The following TPRN variants were observed in gnomAD, a reference collection of about 807,000 sequenced individuals.
TPRN encodes the protein chromosome 9 open reading frame 75.
A neutral mutation model predicts 42.6 loss-of-function variants in TPRN; 32 were observed. That is an observed-to-expected ratio of 0.75 (90% confidence interval 0.57 to 1.01). TPRN has a LOEUF of 1.01. TPRN is among the 50% of genes least tolerant of loss of function. TPRN has a pLI of 0.00. For synonymous variants in TPRN, 541 were observed against 445.6 expected (o/e 1.21, Z -2.70); for missense variants, 1,095 against 957.5 (o/e 1.14, Z -1.90).
chr9:137,192,199 G>A (rs1295468438), intron 3 of TPRN, 25 bp from the exon 4 acceptor site: 2 of 1,613,428 alleles, frequency 1.2e-6, no homozygotes, highest in African/African-American at 1.3e-5. Flanking sequence ...ACAGAATGTG[G>A]ACACATGGGC....
At position 137,199,356 on chromosome 9, in the gene TPRN, C is replaced by T; in HGVS notation, c.1356G>A (p.Gly452=). The change falls in exon 1 of 4, where the codon GGG becomes GGA. Residue 452 remains glycine, a synonymous_variant. Transcript: ENST00000409012. The part of the protein sequence containing the change: ...AKNSREYVRP[G]LPVTFIDEVD... ...CCTCATCGATGAAGGTGACAGGCAG[C>T]CCCGGCCTCACATATTCCCGGCTAT... is the stretch of plus-strand genomic sequence containing the variant. 1 of 1,612,768 alleles carries T rather than the reference C, an allele frequency of 6.2e-7. No individual in the cohort carries two copies. The highest frequency in any genetic ancestry group is 8.5e-7 in the Non-Finnish European group (1 of 1,180,006).
rs190167940 is a variant in TPRN at position 137,199,574 on chromosome 9, C to A, written c.1138G>T (p.Ala380Ser). ...ACCTCCAGGGGGCTCTTCCCGAGGGCAGGCGCACCATCCCCTCCAGGCACC... is the reference window on the plus strand; with the variant it reads ...ACCTCCAGGGGGCTCTTCCCGAGGGAAGGCGCACCATCCCCTCCAGGCACC... The part of the protein sequence containing the change: ...QPVPGGDGAP[A>S]LGKSPLEVEA... Residue 380 changes from alanine to serine, a missense_variant, in exon 1 of 4, where the codon GCC (alanine) becomes TCC (serine). Coordinates refer to ENST00000409012, the MANE Select transcript of TPRN (RefSeq NM_001128228.3). 2.2e-3 allele frequency: 3,395 copies of A among 1,556,068 alleles called. 55 individuals are homozygous for A. In the African/African-American group the frequency reaches 0.04, roughly 18 times the overall value.
At chr9:137,195,994 G>A (rs1834699237) in intron 1 of TPRN, among the ~76,000 whole-genome samples, 3 of 152,216 alleles carry the variant, frequency 2.0e-5, no homozygotes, top group Admixed American at 6.5e-5. Context: ...CCCCCACCCC[G>A]GCACACAGGC....
rs1456935642 is a variant in TPRN at position 137,199,905 on chromosome 9, A to C, written c.807T>G (p.Ser269Arg). The stretch of plus-strand genomic sequence containing the variant: ...TGGCAGGGGGTGAGGCTGGAGTGGC[A>C]CTCGGGGTCCCGGGGCTGGGGGGCG... The part of the protein sequence containing the change: ...LHPPPSPGTP[S>R]ATPASPPASA... Residue 269 changes from serine (S) to arginine (R), a missense_variant, in exon 1 of 4, where the codon AGT (serine) becomes AGG (arginine). Transcript: ENST00000409012. The C allele has an allele frequency of 6.0e-4, 643 of 1,067,988 alleles. No homozygotes were observed. Among genetic ancestry groups the C allele is most frequent in the South Asian group, 2.8e-3 (119 of 42,364 alleles). The allele number at this position is 1,067,988 out of a possible 1,614,324, so 66.2% of individuals were successfully genotyped here. A position where few individuals can be genotyped will look rare whatever the true frequency, so the allele number is the denominator to read the frequency against.
In TPRN at chr9:137,199,431, C is replaced by T. The variant is rs917279081; in HGVS notation, c.1281G>A (p.Ser427=). 14 of 1,610,878 alleles carry T rather than the reference C, an allele frequency of 8.7e-6. No individual in the cohort carries two copies. Among genetic ancestry groups the T allele is most frequent in the Non-Finnish European group, 1.1e-5 (13 of 1,179,292 alleles). ...SSPPPFLPAA[S]EEAEPAEGLR... is the part of the protein sequence containing the mutation. ...GGCCCTCAGCAGGCTCAGCTTCTTC[C>T]GAAGCAGCCGGCAGGAAGGGGGGCG... The change falls in exon 1 of 4, where the codon TCG becomes TCA. Residue 427 remains serine (S), a synonymous_variant. Coordinates refer to ENST00000409012, the MANE Select transcript of TPRN (RefSeq NM_001128228.3).
intron 1 of TPRN, chr9:137,194,461 A>C (rs2131350169): frequency 6.6e-6 from 1 of 152,512 alleles, no homozygotes; most frequent in East Asian, 1.9e-4. Context: ...GTCGCCCTGG[A>C]TATGTGGAGC....
Position 137,199,284 on chromosome 9 carries a change from C to A in TPRN, c.1428G>T (p.Pro476=). ...APQAAKLPYL[P]HPARPLHPAR... ...CAGGGTGCAGAGGCCTGGCAGGGTG[C>A]GGGAGGTAGGGTAGTTTGGCTGCTT... The change falls in exon 1 of 4, where the codon CCG becomes CCT. Residue 476 remains proline, a synonymous_variant. Coordinates refer to ENST00000409012, the MANE Select transcript of TPRN (RefSeq NM_001128228.3). The A allele has an allele frequency of 3.1e-6, 5 of 1,612,332 alleles. No homozygotes were observed. Among genetic ancestry groups the A allele is most frequent in the Non-Finnish European group, 4.2e-6 (5 of 1,179,950 alleles).
chr9:137,196,554 C>T (rs923199266), intron 1 of TPRN, among the ~76,000 whole-genome samples: 5 of 152,170 alleles, frequency 3.3e-5, no homozygotes, highest in Admixed American at 2.6e-4. Flanking sequence ...TGCCACTACC[C>T]TCCAGCCTGG....
chr9:137,200,083 C>T lies in TPRN; in HGVS notation c.629G>A (p.Arg210Gln), dbSNP rs1425784413. The T allele has an allele frequency of 2.2e-6, 3 of 1,392,558 alleles. No individual in the cohort carries two copies. The highest frequency in any genetic ancestry group is 2.8e-5 in the East Asian group (1 of 36,322). 86.3% of individuals were successfully genotyped at this position (1,392,558 alleles called of 1,614,324 possible). A position where few individuals can be genotyped will look rare whatever the true frequency, so the allele number is the denominator to read the frequency against. The part of the protein sequence containing the change: ...TGSNSFTVHP[R>Q]GLHRGAGARL... ...GGCGCCCGCGCCGCGGTGCAGACCCCGGGGGTGGACGGTGAAGGAGTTGCT... is the reference window on the plus strand; with the variant it reads ...GGCGCCCGCGCCGCGGTGCAGACCCTGGGGGTGGACGGTGAAGGAGTTGCT... The change falls in exon 1 of 4, where the codon CGG becomes CAG. Residue 210 changes from arginine to glutamine, a missense_variant. Coordinates refer to ENST00000409012, the MANE Select transcript of TPRN (RefSeq NM_001128228.3). The surrounding 1 kb of genome is among the most constrained non-coding windows in gnomAD (Gnocchi z 4.3).
At position 137,191,839 on chromosome 9, in the gene TPRN, C is replaced by T. The variant is rs1834621735; in HGVS notation, c.*273G>A. The T allele has an allele frequency of 1.8e-6, 1 of 543,370 alleles. No individual in the cohort carries two copies. Among genetic ancestry groups the T allele is most frequent in the Non-Finnish European group, 3.3e-6 (1 of 300,270 alleles). The allele number at this position is 543,370 out of a possible 1,614,324, so 33.7% of individuals were successfully genotyped here. On this transcript the variant is annotated 3_prime_UTR_variant, in exon 4 of 4. Transcript: ENST00000409012. ...ATCTGCACAGCCCCCTGCCGGGTCG[C>T]AGATGGCCACCACCCAGCAGGCCCC... is the stretch of plus-strand genomic sequence containing the variant.
rs1411499852 is a variant in TPRN at position 137,192,277 on chromosome 9, G to C, written c.2055C>G (p.Pro685=). The C allele has an allele frequency of 1.9e-5, 30 of 1,612,960 alleles. No individual in the cohort carries two copies. Among genetic ancestry groups the C allele is most frequent in the Non-Finnish European group, 2.3e-5 (27 of 1,180,024 alleles). ...ATCTCACCATGGCCTCCACGGGCGG[G>C]GGCTCTGCCTCCCTCGGGGCCTGCT... ...ALEQAPREAE[P]PPVEAMLTPA... is the part of the protein sequence containing the mutation. Residue 685 remains proline (P), a synonymous_variant, in exon 3 of 4, where the codon CCC becomes CCG. Coordinates refer to ENST00000409012, the MANE Select transcript of TPRN (RefSeq NM_001128228.3).
Position 137,192,557 on chromosome 9 carries a change from TTCCTCCTCTTCCTCTTCC to T in TPRN, c.1842_1859del (p.Glu616_Glu621del). The stretch of plus-strand genomic sequence containing the variant: ...GCTTCTCCTCTGAGCCGGATCCCTC[TTCCTCCTCTTCCTCTTCC>T]TCCTCCTCCTCCTCCTCCTCCTCCT... On this transcript the variant is annotated inframe_deletion, in exon 2 of 4. Coordinates refer to ENST00000409012, the MANE Select transcript of TPRN (RefSeq NM_001128228.3). 1 of 1,610,626 alleles carries T rather than the reference TTCCTCCTCTTCCTCTTCC, an allele frequency of 6.2e-7. No homozygotes were observed.
At chr9:137,197,500 G>A (rs1480480832) in intron 1 of TPRN, among the ~76,000 whole-genome samples, 4 of 152,206 alleles carry the variant, frequency 2.6e-5, no homozygotes, top group Non-Finnish European at 5.9e-5. Context: ...CACAGGTTAA[G>A]GGGAGGGGTT....
chr9:137,200,667 C>T lies in TPRN; in HGVS notation c.45G>A (p.Val15=). Residue 15 remains valine (V), a synonymous_variant, in exon 1 of 4, where the codon GTG becomes GTA. Transcript: ENST00000409012. The surrounding 1 kb of genome is among the most constrained non-coding windows in gnomAD (Gnocchi z 4.3). The part of the protein sequence containing the change: ...GRPGSGPRAA[V]PAWKREILER... ...CCAGGATCTCACGCTTCCAAGCGGG[C>T]ACCGCAGCGCGCGGCCCCGAGCCCG... 1.6e-6 allele frequency: 2 copies of T among 1,234,962 alleles called. No individual in the cohort carries two copies. Among genetic ancestry groups the T allele is most frequent in the African/African-American group, 1.6e-5 (1 of 62,282 alleles). The allele number at this position is 1,234,962 out of a possible 1,614,324, so 76.5% of individuals were successfully genotyped here.
Position 137,192,570 on chromosome 9 carries a change from T to C in TPRN, c.1847A>G (p.Glu616Gly), listed in dbSNP as rs916472255. 3 of 1,612,086 alleles carry C rather than the reference T, an allele frequency of 1.9e-6. No homozygotes were observed. Among genetic ancestry groups the C allele is most frequent in the Non-Finnish European group, 2.5e-6 (3 of 1,179,336 alleles). ...GCCGGATCCCTCTTCCTCCTCTTCC[T>C]CTTCCTCCTCCTCCTCCTCCTCCTC... is the stretch of plus-strand genomic sequence containing the variant. ...QEEEEEEEEE[E>G]EEEEEGSGSE... The change falls in exon 2 of 4, where the codon GAG (glutamate) becomes GGG (glycine). Residue 616 changes from glutamate to glycine, a missense_variant. Transcript: ENST00000409012.
At chr9:137,194,878 C>G (rs576150387) in intron 1 of TPRN, 271 of 152,346 alleles carry the variant, frequency 1.8e-3, no homozygotes, top group African/African-American at 6.3e-3. Flanking sequence ...TGGGACCGCA[C>G]GCACCTGGCC....
intron 1 of TPRN, 139 bp downstream of exon 1, chr9:137,198,848 C>G: frequency 6.5e-7 from 1 of 1,536,372 alleles, no homozygotes; most frequent in Non-Finnish European, 8.7e-7. Flanking sequence ...CCCACCCAGC[C>G]CCAGCTCGCC....
Position 137,200,518 on chromosome 9 carries a change from TC to T in TPRN, c.193del (p.Glu65ArgfsTer385), listed in dbSNP as rs1325980546. On this transcript the variant is annotated frameshift_variant, in exon 1 of 4. Transcript: ENST00000409012. LOFTEE classifies it high-confidence loss of function. This position sits in a 1 kb window ranked among gnomAD's most constrained non-coding sequence, Gnocchi z 4.3. ...PLRENPFMLL[E>X]AERRRGGGAA... is the part of the protein sequence containing the mutation. ...GCCCCCGCCGCGCCGCCGCTCGGCCTCCAGCAGCATGAACGGGTTCTCGCGC... is the reference window on the plus strand; with the variant it reads ...GCCCCCGCCGCGCCGCCGCTCGGCCTCAGCAGCATGAACGGGTTCTCGCGC... 1 of 1,168,326 alleles carries T rather than the reference TC, an allele frequency of 8.6e-7. No homozygotes were observed. Among genetic ancestry groups the T allele is most frequent in the South Asian group, 2.6e-5 (1 of 38,128 alleles). 72.4% of individuals were successfully genotyped at this position (1,168,326 alleles called of 1,614,324 possible). A position where few individuals can be genotyped will look rare whatever the true frequency, so the allele number is the denominator to read the frequency against.
rs188096808 is a variant in TPRN, at chr9:137,195,950, G to T, written c.1725+3037C>A. Among the ~76,000 whole-genome samples, 169 of 152,286 alleles carry T rather than the reference G, an allele frequency of 1.1e-3. 4 individuals are homozygous for T. The highest frequency in any genetic ancestry group is 0.01 in the Admixed American group (158 of 15,306). Reference sequence around the variant, plus strand: ...GGGGCACCTGCCGCTTCTGCCAATGGATAACTTAAGTGGGCCTGTGCCTGC... The same window carrying T: ...GGGGCACCTGCCGCTTCTGCCAATGTATAACTTAAGTGGGCCTGTGCCTGC... On this transcript the variant is annotated intron_variant, in intron 1 of 3. Transcript: ENST00000409012.
Sources: allele counts gnomAD v4.1 joint callset (sites outside exome capture counted in the v4.1 genomes callset), GRCh38; gene constraint gnomAD v4.1.1; non-coding constraint Gnocchi (gnomAD v3.1); transcripts MANE v1.5; gene names NCBI Gene and HGNC (gene_info 2026-07-23, HGNC 2026-07-21).